Variants in CD58 observed in about 807,000 individuals in gnomAD.
CD58 encodes the protein CD58 molecule, also known as lymphocyte function-associated antigen 3.
A neutral mutation model predicts 27.6 loss-of-function variants in CD58; 14 were observed. The observed-to-expected ratio is 0.51, with a 90% CI of 0.34 to 0.79. The LOEUF is 0.79. CD58 is among the 30% of genes least tolerant of loss of function. The pLI, the probability that CD58 is intolerant of heterozygous loss-of-function variation, is 0.02. For synonymous variants in CD58, 117 were observed against 103.8 expected, an observed-to-expected ratio of 1.13 and a Z score of -0.77; for missense variants, 268 against 301.7, an observed-to-expected ratio of 0.89 and a Z score of 0.83.
intron 2 of CD58, among the ~76,000 whole-genome samples, chr1:116,537,301 G>A (rs1332161082): frequency 6.6e-6 from 1 of 152,148 alleles, no homozygotes; most frequent in Non-Finnish European, 1.5e-5. Flanking sequence ...TCCTATGCTT[G>A]ACCCATAGGG....
rs1471107256 is a variant in CD58 at position 116,531,236 on chromosome 1, A to T, written c.628+4729T>A. Among the ~76,000 whole-genome samples the T allele has an allele frequency of 6.6e-6, 1 of 152,200 alleles. No homozygotes were observed. Among genetic ancestry groups the T allele is most frequent in the Non-Finnish European group, 1.5e-5 (1 of 68,018 alleles). Reference sequence around the variant, plus strand: ...ATGGCAAACATAAAGTTAAACATAAAGTTTTGCAAGGGCAAAACCTTTAAA... The same window carrying T: ...ATGGCAAACATAAAGTTAAACATAATGTTTTGCAAGGGCAAAACCTTTAAA... On this transcript the variant is annotated intron_variant, in intron 3 of 5. Coordinates refer to ENST00000369489, the MANE Select transcript of CD58 (RefSeq NM_001779.3). The surrounding 1 kb of genome is among the most constrained non-coding windows in gnomAD (Gnocchi z 4.5).
In CD58 at chr1:116,552,516, G is replaced by A. The variant is rs1464673318; in HGVS notation, c.71-7912C>T. 3.3e-5 allele frequency among the ~76,000 whole-genome samples: 5 copies of A among 152,214 alleles called. No individual in the cohort carries two copies. Among genetic ancestry groups the A allele is most frequent in the East Asian group, 3.8e-4 (2 of 5,202 alleles). On this transcript the variant is annotated intron_variant, in intron 1 of 5. Transcript: ENST00000369489. This position sits in a 1 kb window ranked among gnomAD's most constrained non-coding sequence, Gnocchi z 4.5. ...TTGTAAAAAGCACATTATCTGTGAA[G>A]TGCAATAAAGTGAAATGCAATAAAA... is the stretch of plus-strand genomic sequence containing the variant.
At position 116,534,717 on chromosome 1, in the gene CD58, T is replaced by C. The variant is rs1657734631; in HGVS notation, c.628+1248A>G. Among the ~76,000 whole-genome samples the C allele has an allele frequency of 6.6e-6, 1 of 152,240 alleles. No individual in the cohort carries two copies. Among genetic ancestry groups the C allele is most frequent in the South Asian group, 2.1e-4 (1 of 4,838 alleles). ...AAAAATGTCTTTCCTTTCCCAAAAGTGACTCTGCTTTGTCTGAAAATAATA... is the reference window on the plus strand; with the variant it reads ...AAAAATGTCTTTCCTTTCCCAAAAGCGACTCTGCTTTGTCTGAAAATAATA... On this transcript the variant is annotated intron_variant, in intron 3 of 5. Coordinates refer to ENST00000369489, the MANE Select transcript of CD58 (RefSeq NM_001779.3). This position sits in a 1 kb window ranked among gnomAD's most constrained non-coding sequence, Gnocchi z 5.3.
intron 3 of CD58, among the ~76,000 whole-genome samples, chr1:116,535,061 TGTTA>T (rs895085706): frequency 5.3e-5 from 8 of 152,344 alleles, no homozygotes; most frequent in East Asian, 1.9e-4. Context: ...CCTTTTTGTT[TGTTA>T]AACTGGGGAT....
In CD58 at chr1:116,538,585, G is replaced by A. The variant is rs1423146431; in HGVS notation, c.365-2357C>T. Among the ~76,000 whole-genome samples the A allele has an allele frequency of 6.6e-6, 1 of 152,152 alleles. No homozygotes were observed. The highest frequency in any genetic ancestry group is 1.5e-5 in the Non-Finnish European group (1 of 68,028). Reference sequence around the variant, plus strand: ...GCTTGTTAAAAATACAGATTCCTGAGCCCCACCATCCCAGGTGCTTCTGAT... The same window carrying A: ...GCTTGTTAAAAATACAGATTCCTGAACCCCACCATCCCAGGTGCTTCTGAT... On this transcript the variant is annotated intron_variant, in intron 2 of 5. Coordinates refer to ENST00000369489, the MANE Select transcript of CD58 (RefSeq NM_001779.3). The surrounding 1 kb of genome is among the most constrained non-coding windows in gnomAD (Gnocchi z 4.7).
chr1:116,566,770 GA>G (rs1482623941), intron 1 of CD58, among the ~76,000 whole-genome samples: 2 of 151,504 alleles, frequency 1.3e-5, no homozygotes, highest in African/African-American at 4.8e-5. Context: ...TAAAATAAAA[GA>G]AAAAAAGGGA....
chr1:116,523,286 T>C lies in CD58; in HGVS notation c.629-1303A>G, dbSNP rs1470593634. On this transcript the variant is annotated intron_variant, in intron 3 of 5. Coordinates refer to ENST00000369489, the MANE Select transcript of CD58 (RefSeq NM_001779.3). This position sits in a 1 kb window ranked among gnomAD's most constrained non-coding sequence, Gnocchi z 4.4. ...TCACAAGGTAAACTCTATCCAGCTATTGAAAATCCAAAATCAGAGTACACA... is the reference window on the plus strand; with the variant it reads ...TCACAAGGTAAACTCTATCCAGCTACTGAAAATCCAAAATCAGAGTACACA... Among the ~76,000 whole-genome samples, 3 of 152,072 alleles carry C rather than the reference T, an allele frequency of 2.0e-5. No individual in the cohort carries two copies. The highest frequency in any genetic ancestry group is 4.8e-5 in the African/African-American group (2 of 41,382).
chr1:116,534,107 C>A lies in CD58; in HGVS notation c.628+1858G>T, dbSNP rs1164688584. 2.6e-6 allele frequency: 2 copies of A among 769,144 alleles called. No individual in the cohort carries two copies. The highest frequency in any genetic ancestry group is 5.3e-5 in the East Asian group (2 of 37,728). 47.6% of individuals were successfully genotyped at this position (769,144 alleles called of 1,614,324 possible). A position where few individuals can be genotyped will look rare whatever the true frequency, so the allele number is the denominator to read the frequency against. ...TTATCTGCCATCTGAATGTTTTTATCCCCTTGTCTGGTAAACCAAGTCCCG... is the reference window on the plus strand; with the variant it reads ...TTATCTGCCATCTGAATGTTTTTATACCCTTGTCTGGTAAACCAAGTCCCG... On this transcript the variant is annotated intron_variant, in intron 3 of 5. Coordinates refer to ENST00000369489, the MANE Select transcript of CD58 (RefSeq NM_001779.3). This position sits in a 1 kb window ranked among gnomAD's most constrained non-coding sequence, Gnocchi z 5.3.
chr1:116,539,820 A>C (rs1657937355), intron 2 of CD58, among the ~76,000 whole-genome samples: 1 of 152,226 alleles, frequency 6.6e-6, no homozygotes, highest in African/African-American at 2.4e-5. Flanking sequence ...GTATCTAACA[A>C]ATATTCGTTA....
chr1:116,557,881 T>G lies in CD58; in HGVS notation c.70+13022A>C, dbSNP rs540219205. Among the ~76,000 whole-genome samples, 17 of 152,140 alleles carry G rather than the reference T, an allele frequency of 1.1e-4. No individual in the cohort carries two copies. The South Asian group carries it at 2.5e-3, about 22-fold the overall frequency. On this transcript the variant is annotated intron_variant, in intron 1 of 5. Coordinates refer to ENST00000369489, the MANE Select transcript of CD58 (RefSeq NM_001779.3). This position sits in a 1 kb window ranked among gnomAD's most constrained non-coding sequence, Gnocchi z 5.2. ...TAGAAACAAGGTCTCACTATGTTGC[T>G]CAGGCTGATCTCAAACTCGTGGGCT...
Position 116,570,784 on chromosome 1 carries a change from C to G in CD58, c.70+119G>C. 6 of 701,356 alleles carry G rather than the reference C, an allele frequency of 8.6e-6. No individual in the cohort carries two copies. Among genetic ancestry groups the G allele is most frequent in the Non-Finnish European group, 1.4e-5 (6 of 435,516 alleles). 43.4% of individuals were successfully genotyped at this position (701,356 alleles called of 1,614,324 possible). A position where few individuals can be genotyped will look rare whatever the true frequency, so the allele number is the denominator to read the frequency against. On this transcript the variant is annotated intron_variant, in intron 1 of 5. Transcript: ENST00000369489. This position sits in a 1 kb window ranked among gnomAD's most constrained non-coding sequence, Gnocchi z 6.4. ...CGGCTGAGTTGTTCCCGGCCCACAG[C>G]GACCCGTCCCCACCCGTCTCTGATC...
At chr1:116,549,364 T>A (rs1485086943) in intron 1 of CD58, among the ~76,000 whole-genome samples, 3 of 152,170 alleles carry the variant, frequency 2.0e-5, no homozygotes, top group Admixed American at 2.0e-4. Context: ...AGCAGTTAAC[T>A]ATGCCCAGGA....
chr1:116,554,638 T>C (rs2101210044), intron 1 of CD58, among the ~76,000 whole-genome samples: 2 of 152,262 alleles, frequency 1.3e-5, no homozygotes, highest in South Asian at 4.1e-4. Flanking sequence ...ACAGTGGTTG[T>C]TTTTAAAGTA....
At chr1:116,549,901 A>T (rs1468266098) in intron 1 of CD58, among the ~76,000 whole-genome samples, 1 of 152,238 alleles carries the variant, frequency 6.6e-6, no homozygotes. Context: ...AGTGTGTCAC[A>T]CAAATTTTCT....
At chr1:116,518,695 C>A (rs775740735) in intron 5 of CD58, 3 of 986,594 alleles carry the variant, frequency 3.0e-6, no homozygotes, top group Non-Finnish European at 3.6e-6. Flanking sequence ...CCTCTTGGAG[C>A]ACCCTACGGC....
rs148066119 is a variant in CD58 at position 116,543,005 on chromosome 1, A to G, written c.364+1306T>C. Among the ~76,000 whole-genome samples the G allele has an allele frequency of 1.0e-3, 157 of 152,386 alleles. 1 individual carries two copies. Among genetic ancestry groups the G allele is most frequent in the African/African-American group, 3.4e-3 (142 of 41,592 alleles). ...TGGGTAAGTGAACAGGCTAGGAAAT[A>G]CCAACTTAATTGAGGTAAGTGATTA... On this transcript the variant is annotated intron_variant, in intron 2 of 5. Coordinates refer to ENST00000369489, the MANE Select transcript of CD58 (RefSeq NM_001779.3).
chr1:116,561,681 T>G (rs1167725511), intron 1 of CD58, among the ~76,000 whole-genome samples: 1 of 152,210 alleles, frequency 6.6e-6, no homozygotes, highest in Non-Finnish European at 1.5e-5. Flanking sequence ...AAAAAGTTGC[T>G]TAGTGGATCT....
intron 1 of CD58, among the ~76,000 whole-genome samples, chr1:116,558,925 C>T (rs906103159): frequency 1.5e-4 from 23 of 152,156 alleles, no homozygotes; most frequent in Admixed American, 4.6e-4. Context: ...TGGAGTCCTG[C>T]CTATGTGCCA....
intron 1 of CD58, among the ~76,000 whole-genome samples, chr1:116,553,415 T>C (rs1431317916): frequency 6.6e-6 from 1 of 152,128 alleles, no homozygotes; most frequent in African/African-American, 2.4e-5. Context: ...AGAGGCAGCA[T>C]TGTGCTAGGC....
Sources: gnomAD v4.1 joint callset for allele counts (sites outside exome capture counted in the v4.1 genomes callset) on GRCh38, gnomAD v4.1.1 for gene constraint, Gnocchi (gnomAD v3.1) non-coding constraint, MANE v1.5 for transcripts, NCBI Gene and HGNC (gene_info 2026-07-23, HGNC 2026-07-21) for gene names.